The following ETV6 variants were observed in gnomAD, a reference collection of about 807,000 sequenced individuals.
ETV6 encodes ETS variant transcription factor 6, also known as transcription factor ETV6.
A neutral mutation model predicts 51.1 loss-of-function variants in ETV6; 16 were observed. That is an observed-to-expected ratio of 0.31 (90% CI 0.21 to 0.48). ETV6 has a LOEUF of 0.48. ETV6 is among the 20% of genes least tolerant of loss of function. The pLI, the probability that ETV6 is intolerant of heterozygous loss-of-function variation, is 0.99. For missense variants in ETV6, 458 were observed against 594.8 expected (o/e 0.77, Z 2.39); for synonymous variants, 240 against 224.1 (o/e 1.07, Z -0.64).
At position 11,887,272 on chromosome 12, in the gene ETV6, A is replaced by ACACACAACTTCATTT. The variant is rs1325268342; in HGVS notation, c.1253+1247_1253+1261dup. The stretch of plus-strand genomic sequence containing the variant: ...CTTTTTCGTGGATGAACTGATCCCG[A>ACACACAACTTCATTT]CACACAACTTCATTTATCACCTCAG... On this transcript the variant is annotated intron_variant, in intron 7 of 7. Coordinates refer to ENST00000396373, the MANE Select transcript of ETV6 (RefSeq NM_001987.5). Among the ~76,000 whole-genome samples, 11 of 152,274 alleles carry ACACACAACTTCATTT rather than the reference A, an allele frequency of 7.2e-5. No individual in the cohort carries two copies. The South Asian group carries it at 1.5e-3, about 20-fold the overall frequency.
At position 11,777,421 on chromosome 12, in the gene ETV6, A is replaced by G. The variant is rs115828133; in HGVS notation, c.163+24842A>G. On this transcript the variant is annotated intron_variant, in intron 2 of 7. Transcript: ENST00000396373. ...ATCTCTAGGTAGAAGGATTGTGGGT[A>G]GAATTTCTTTCTCTTTACTGTGGAG... Among the ~76,000 whole-genome samples, 787 of 152,050 alleles carry G rather than the reference A, an allele frequency of 5.2e-3. 6 individuals are homozygous for G. Among genetic ancestry groups the G allele is most frequent in the African/African-American group, 0.018 (750 of 41,464 alleles).
chr12:11,799,631 G>A (rs947454963), intron 2 of ETV6, among the ~76,000 whole-genome samples: 85 of 152,138 alleles, frequency 5.6e-4, no homozygotes, highest in African/African-American at 1.8e-3. Context: ...AAACCAACAG[G>A]AGAACCATGC....
At chr12:11,733,025 C>T (rs1208133733) in intron 1 of ETV6, among the ~76,000 whole-genome samples, 1 of 152,126 alleles carries the variant, frequency 6.6e-6, no homozygotes, top group Non-Finnish European at 1.5e-5. Context: ...CGTTCTTTAA[C>T]CCCACTCAGA....
Position 11,869,736 on chromosome 12 carries a change from G to C in ETV6, c.776G>C (p.Arg259Pro), listed in dbSNP as rs757118909. 1 of 1,613,572 alleles carries C rather than the reference G, an allele frequency of 6.2e-7. No homozygotes were observed. Among genetic ancestry groups the C allele is most frequent in the South Asian group, 1.1e-5 (1 of 91,060 alleles). Reference protein sequence around the residue: ...SESHPKPSSPRQESTRVIQLM... With the variant: ...SESHPKPSSPPQESTRVIQLM... ...TCCCACCCGAAGCCATCCAGCCCCCGGCAGGAGAGCACACGCGTGATCCAG... is the reference window on the plus strand; with the variant it reads ...TCCCACCCGAAGCCATCCAGCCCCCCGCAGGAGAGCACACGCGTGATCCAG... The change falls in exon 5 of 8, where the codon CGG (arginine) becomes CCG (proline). Residue 259 changes from arginine to proline, a missense_variant. Around this residue, in one of 4 missense-constraint regions of ETV6, gnomAD observed 293 missense variants for 315.7 expected, o/e 0.93. Coordinates refer to ENST00000396373, the MANE Select transcript of ETV6 (RefSeq NM_001987.5). The surrounding 1 kb of genome is among the most constrained non-coding windows in gnomAD (Gnocchi z 5.0).
intron 1 of ETV6, among the ~76,000 whole-genome samples, chr12:11,679,757 T>TCTCCA (rs1204539801): frequency 2.0e-5 from 3 of 152,214 alleles, no homozygotes; most frequent in Non-Finnish European, 4.4e-5. Context: ...AGACCATGTA[T>TCTCCA]CAGAGGTGGA....
intron 5 of ETV6, among the ~76,000 whole-genome samples, chr12:11,874,797 A>T (rs1323243367): frequency 6.6e-6 from 1 of 150,406 alleles, no homozygotes; most frequent in East Asian, 2.0e-4. Context: ...CCATCATACC[A>T]TTAAGATACA....
chr12:11,861,049 TC>T (rs1946708623), intron 4 of ETV6, among the ~76,000 whole-genome samples: 3 of 152,232 alleles, frequency 2.0e-5, no homozygotes, highest in African/African-American at 7.2e-5. Flanking sequence ...GCATTTTATG[TC>T]CCCTTGCAGT....
chr12:11,718,541 G>A (rs893017395), intron 1 of ETV6, among the ~76,000 whole-genome samples: 43 of 151,536 alleles, frequency 2.8e-4, no homozygotes, highest in Admixed American at 9.2e-4. Flanking sequence ...CGAGGCAGGC[G>A]GATCGCTTGA....
At chr12:11,739,521 G>A (rs1212141675) in intron 1 of ETV6, among the ~76,000 whole-genome samples, 1 of 152,082 alleles carries the variant, frequency 6.6e-6, no homozygotes, top group Non-Finnish European at 1.5e-5. Flanking sequence ...GGAATAGCTT[G>A]GATATGTGAA....
chr12:11,752,404 C>G (rs759481907), intron 1 of ETV6, 46 bp from the exon 2 acceptor site: 2 of 1,581,166 alleles, frequency 1.3e-6, no homozygotes, highest in Non-Finnish European at 1.7e-6. Flanking sequence ...TCCAAGCTTT[C>G]ATTGTCTCTC....
At chr12:11,652,334 G>A (rs1156556856) in intron 1 of ETV6, among the ~76,000 whole-genome samples, 1 of 152,152 alleles carries the variant, frequency 6.6e-6, no homozygotes. Flanking sequence ...ATCAAGGACT[G>A]GGATTATTCC....
Position 11,687,180 on chromosome 12 carries a change from C to T in ETV6, c.33+37020C>T, listed in dbSNP as rs1864647009. Among the ~76,000 whole-genome samples, 4 of 149,570 alleles carry T rather than the reference C, an allele frequency of 2.7e-5. No individual in the cohort carries two copies. In the South Asian group the frequency reaches 6.4e-4, roughly 24 times the overall value. On this transcript the variant is annotated intron_variant, in intron 1 of 7. Transcript: ENST00000396373. ...GGGATTTAAAGGCATGAGCCACTGC[C>T]CCCCACCCCACCGCCCCACCTTTTT... is the stretch of plus-strand genomic sequence containing the variant.
Position 11,688,176 on chromosome 12 carries a change from G to T in ETV6, c.33+38016G>T, listed in dbSNP as rs150092292. ...CAGGGTGGTCTAGGAGAACTGGATCGAAGTAGATACCTTACGGGCAAAGGA... is the reference window on the plus strand; with the variant it reads ...CAGGGTGGTCTAGGAGAACTGGATCTAAGTAGATACCTTACGGGCAAAGGA... On this transcript the variant is annotated intron_variant, in intron 1 of 7. Coordinates refer to ENST00000396373, the MANE Select transcript of ETV6 (RefSeq NM_001987.5). 3.9e-4 allele frequency among the ~76,000 whole-genome samples: 60 copies of T among 152,268 alleles called. 2 individuals carry two copies. Among genetic ancestry groups the T allele is most frequent in the African/African-American group, 1.4e-3 (59 of 41,548 alleles).
Position 11,687,264 on chromosome 12 carries a change from G to A in ETV6, c.33+37104G>A, listed in dbSNP as rs1209929340. Among the ~76,000 whole-genome samples, 24 of 38,120 alleles carry A rather than the reference G, an allele frequency of 6.3e-4. 1 individual carries two copies. In the South Asian group the frequency reaches 0.018, roughly 29 times the overall value. 25.0% of individuals were successfully genotyped at this position (38,120 alleles called of 152,430 possible). A position where few individuals can be genotyped will look rare whatever the true frequency, so the allele number is the denominator to read the frequency against. ...CAACCTCCGGCTCCCCGCTCCCCAC[G>A]CCCCCCACCAGGTTCAAACGATTCT... On this transcript the variant is annotated intron_variant, in intron 1 of 7. Transcript: ENST00000396373.
chr12:11,832,780 G>T (rs896172580), intron 2 of ETV6, among the ~76,000 whole-genome samples: 1 of 152,228 alleles, frequency 6.6e-6, no homozygotes, highest in African/African-American at 2.4e-5. Context: ...CTTGGAAAAT[G>T]TCCAAAAACC....
At chr12:11,787,734 A>T (rs530995537) in intron 2 of ETV6, among the ~76,000 whole-genome samples, 5 of 152,266 alleles carry the variant, frequency 3.3e-5, no homozygotes, top group Admixed American at 3.3e-4. Flanking sequence ...GATCATAGTG[A>T]TTTTTTTACA....
At chr12:11,838,525 T>G (rs1946347135) in intron 2 of ETV6, among the ~76,000 whole-genome samples, 2 of 152,230 alleles carry the variant, frequency 1.3e-5, no homozygotes, top group Admixed American at 1.3e-4. Flanking sequence ...CTTTTATCCT[T>G]ACTTTGCCCT....
At chr12:11,776,535 A>G (rs1445670371) in intron 2 of ETV6, among the ~76,000 whole-genome samples, 1 of 152,014 alleles carries the variant, frequency 6.6e-6, no homozygotes, top group African/African-American at 2.4e-5. Context: ...ATGAGCCACC[A>G]CACCCAGCCA....
Position 11,892,434 on chromosome 12 carries a change from A to G in ETV6, c.*1388A>G. The G allele has an allele frequency of 4.3e-6, 1 of 232,816 alleles. No homozygotes were observed. Among genetic ancestry groups the G allele is most frequent in the Non-Finnish European group, 8.5e-6 (1 of 117,964 alleles). The allele number at this position is 232,816 out of a possible 1,614,324, so 14.4% of individuals were successfully genotyped here. A position where few individuals can be genotyped will look rare whatever the true frequency, so the allele number is the denominator to read the frequency against. On this transcript the variant is annotated 3_prime_UTR_variant, in exon 8 of 8. Transcript: ENST00000396373. ...CATTTGTGGCTCTTTTTCACCTCAA[A>G]ATAAGATCGATGGTATCTTGTAAAA...
Sources: gnomAD v4.1 joint callset for allele counts (sites outside exome capture counted in the v4.1 genomes callset) on GRCh38, gnomAD v4.1.1 for gene constraint, gnomAD v4.1.1 regional missense constraint, Gnocchi (gnomAD v3.1) non-coding constraint, MANE v1.5 for transcripts, NCBI Gene and HGNC (gene_info 2026-07-23, HGNC 2026-07-21) for gene names.